Variants in SLC16A7 observed in about 807,000 individuals in gnomAD.
SLC16A7 encodes the protein solute carrier family 16 member 7.
In SLC16A7, 33 loss-of-function variants were observed where a neutral mutation model predicts 34.9. The observed-to-expected ratio is 0.94, with a 90% CI of 0.72 to 1.26. SLC16A7 has a LOEUF of 1.26. Among genes scored for constraint, SLC16A7 ranks in the 50% most tolerant of loss-of-function variants. SLC16A7 has a pLI of 0.00. For missense variants in SLC16A7, 573 were observed against 578.1 expected, an observed-to-expected ratio of 0.99 and a Z score of 0.09; for synonymous variants, 201 against 206.6, an observed-to-expected ratio of 0.97 and a Z score of 0.23.
chr12:59,602,591 C>G (rs1347425615), intron 1 of SLC16A7, among the ~76,000 whole-genome samples: 1 of 146,010 alleles, frequency 6.8e-6, no homozygotes, highest in Non-Finnish European at 1.5e-5. Flanking sequence ...TCAAGTGATT[C>G]TCCTGCCCCA....
chr12:59,778,556 A>G (rs1387677504), intron 5 of SLC16A7, among the ~76,000 whole-genome samples: 4 of 152,170 alleles, frequency 2.6e-5, no homozygotes, highest in Admixed American at 1.3e-4. Flanking sequence ...AGATGCCTGC[A>G]TAAGCAAGAG....
Position 59,788,387 on chromosome 12 carries a change from T to C in SLC16A7, c.*8708T>C, listed in dbSNP as rs1883765737. ...GTGAAAAAAATAAAATGTAGTTGTC[T>C]TGTTTATTCTATAGATATCTTAATG... is the stretch of plus-strand genomic sequence containing the variant. On this transcript the variant is annotated 3_prime_UTR_variant, in exon 6 of 6. Coordinates refer to ENST00000547379, the MANE Select transcript of SLC16A7 (RefSeq NM_001270623.2). 6.6e-6 allele frequency: 1 copy of C among 151,328 alleles called. No homozygotes were observed. Among genetic ancestry groups the C allele is most frequent in the Non-Finnish European group, 1.5e-5 (1 of 67,960 alleles). 9.4% of individuals were successfully genotyped at this position (151,328 alleles called of 1,614,324 possible).
chr12:59,635,538 A>G (rs1880380926), intron 1 of SLC16A7, among the ~76,000 whole-genome samples: 1 of 152,074 alleles, frequency 6.6e-6, no homozygotes, highest in African/African-American at 2.4e-5. Flanking sequence ...TCCACTTAAT[A>G]ATCTAGAAAC....
chr12:59,717,620 C>T lies in SLC16A7; in HGVS notation c.217+12602C>T, dbSNP rs930291495. 7.4e-4 allele frequency among the ~76,000 whole-genome samples: 113 copies of T among 152,168 alleles called. 2 individuals carry two copies. Among genetic ancestry groups the T allele is most frequent in the Admixed American group, 7.3e-3 (112 of 15,280 alleles). On this transcript the variant is annotated intron_variant, in intron 3 of 5. Transcript: ENST00000547379. ...CATAACCTCTGCCCCTTAGAGTTGG[C>T]TCCCAAATTAGATCAAACACAACTG...
chr12:59,768,745 C>T (rs1378054494), intron 3 of SLC16A7, among the ~76,000 whole-genome samples: 2 of 152,008 alleles, frequency 1.3e-5, no homozygotes, highest in Non-Finnish European at 2.9e-5. Context: ...ACTTATAATC[C>T]CAGCATTTAG....
intron 3 of SLC16A7, among the ~76,000 whole-genome samples, chr12:59,716,434 A>T (rs1874911066): frequency 6.6e-6 from 1 of 152,190 alleles, no homozygotes; most frequent in African/African-American, 2.4e-5. Context: ...TGGGTAGTGA[A>T]CAAAGGGGAG....
At position 59,654,376 on chromosome 12, in the gene SLC16A7, T is replaced by C. The variant is rs192892250; in HGVS notation, c.-129-776T>C. Reference sequence around the variant, plus strand: ...CATTGCCAAACACTATATGTATTGATATTTTACAAATGTTAACTAGCTTAA... The same window carrying C: ...CATTGCCAAACACTATATGTATTGACATTTTACAAATGTTAACTAGCTTAA... On this transcript the variant is annotated intron_variant, in intron 1 of 5. Coordinates refer to ENST00000547379, the MANE Select transcript of SLC16A7 (RefSeq NM_001270623.2). Among the ~76,000 whole-genome samples, 171 of 151,904 alleles carry C rather than the reference T, an allele frequency of 1.1e-3. 1 individual carries two copies. The highest frequency in any genetic ancestry group is 3.9e-3 in the African/African-American group (160 of 41,516).
At chr12:59,750,785 C>G (rs539235555) in intron 3 of SLC16A7, among the ~76,000 whole-genome samples, 1 of 152,226 alleles carries the variant, frequency 6.6e-6, no homozygotes, top group South Asian at 2.1e-4. Context: ...GCACTGTTCA[C>G]AATAGCAAAG....
intron 1 of SLC16A7, among the ~76,000 whole-genome samples, chr12:59,604,982 G>T (rs545607708): frequency 1.5e-3 from 224 of 152,282 alleles, no homozygotes; most frequent in African/African-American, 4.6e-3. Context: ...AAGTAGCTGG[G>T]ACTACAGGCG....
intron 1 of SLC16A7, among the ~76,000 whole-genome samples, chr12:59,648,287 T>G (rs1476868005): frequency 1.3e-5 from 2 of 152,184 alleles, no homozygotes; most frequent in Non-Finnish European, 2.9e-5. Flanking sequence ...TTAGCTCTAT[T>G]TAATGCAATA....
At chr12:59,607,216 A>G (rs1264802817) in intron 1 of SLC16A7, among the ~76,000 whole-genome samples, 1 of 152,212 alleles carries the variant, frequency 6.6e-6, no homozygotes, top group Non-Finnish European at 1.5e-5. Context: ...TTTCTGATGG[A>G]GGAATCAAAG....
chr12:59,774,141 A>C (rs1375745765), intron 4 of SLC16A7, among the ~76,000 whole-genome samples: 3 of 152,202 alleles, frequency 2.0e-5, no homozygotes, highest in Non-Finnish European at 4.4e-5. Flanking sequence ...TGTTATTTGC[A>C]TAGTATTGAA....
Position 59,709,977 on chromosome 12 carries a change from T to C in SLC16A7, c.217+4959T>C, listed in dbSNP as rs551468226. ...TGCATCTTCCCTTTCTCTACAGTTA[T>C]ATAGACTATACTGATCATTACAAAC... On this transcript the variant is annotated intron_variant, in intron 3 of 5. Coordinates refer to ENST00000547379, the MANE Select transcript of SLC16A7 (RefSeq NM_001270623.2). 4.6e-5 allele frequency among the ~76,000 whole-genome samples: 7 copies of C among 151,812 alleles called. No homozygotes were observed. In the South Asian group the frequency reaches 1.0e-3, roughly 22 times the overall value.
At chr12:59,626,142 A>T (rs1879919717) in intron 1 of SLC16A7, among the ~76,000 whole-genome samples, 1 of 151,834 alleles carries the variant, frequency 6.6e-6, no homozygotes, top group African/African-American at 2.4e-5. Flanking sequence ...TCATCATATT[A>T]TAGAAAATAA....
intron 1 of SLC16A7, among the ~76,000 whole-genome samples, chr12:59,635,320 A>G (rs191668457): frequency 3.0e-4 from 46 of 152,024 alleles, no homozygotes; most frequent in African/African-American, 1.1e-3. Context: ...CCCCTTATTA[A>G]CATTGATTGC....
intron 1 of SLC16A7, among the ~76,000 whole-genome samples, chr12:59,641,345 C>T (rs1211170265): frequency 6.6e-6 from 1 of 152,066 alleles, no homozygotes; most frequent in Non-Finnish European, 1.5e-5. Flanking sequence ...CTGCCAAATT[C>T]TCCAGAGTCT....
chr12:59,750,039 C>T (rs2137321713), intron 3 of SLC16A7, among the ~76,000 whole-genome samples: 1 of 152,260 alleles, frequency 6.6e-6, no homozygotes, highest in Non-Finnish European at 1.5e-5. Flanking sequence ...TGGACCTCTT[C>T]TTTACACCTT....
chr12:59,656,641 T>A (rs1868548447), intron 2 of SLC16A7, among the ~76,000 whole-genome samples: 1 of 152,032 alleles, frequency 6.6e-6, no homozygotes, highest in Admixed American at 6.6e-5. Context: ...TGGTTGTTTG[T>A]TACAGCAGCA....
chr12:59,672,030 TC>T (rs63217960), intron 2 of SLC16A7, among the ~76,000 whole-genome samples: 482 of 506 alleles, frequency 0.95, 239 homozygotes, highest in Admixed American at 1. Flanking sequence ...TGTGTATATA[TC>T]GCATATATCC....
Sources: gnomAD v4.1 joint callset for allele counts (sites outside exome capture counted in the v4.1 genomes callset) on GRCh38, gnomAD v4.1.1 for gene constraint, MANE v1.5 for transcripts, NCBI Gene and HGNC (gene_info 2026-07-23, HGNC 2026-07-21) for gene names.